Variants in SPIDR observed in about 807,000 individuals in gnomAD.
SPIDR encodes scaffold protein involved in DNA repair.
A neutral mutation model predicts 104.6 loss-of-function variants in SPIDR; 93 were observed. The ratio of observed to expected loss-of-function variants is 0.89; its 90% CI spans 0.75 to 1.06. The LOEUF (loss-of-function observed/expected upper bound fraction) is 1.06, where lower values mean the gene tolerates loss of function less well. Ranked by LOEUF, SPIDR falls within the 50% of genes least tolerant of loss-of-function variation. The probability of loss-of-function intolerance (pLI) is 0.00; values close to 1 mark genes in which losing one functional copy is unlikely to be tolerated. For synonymous variants in SPIDR, 431 were observed against 416.9 expected (o/e 1.03, Z -0.41); for missense variants, 1,154 against 1,111.2 (o/e 1.04, Z -0.55).
chr8:47,352,918 G>A lies in SPIDR; in HGVS notation c.526-43458G>A, dbSNP rs561133518. Among the ~76,000 whole-genome samples, 182 of 151,908 alleles carry A rather than the reference G, an allele frequency of 1.2e-3. 2 individuals carry two copies. Among genetic ancestry groups the A allele is most frequent in the Admixed American group, 2.9e-3 (44 of 15,248 alleles). On this transcript the variant is annotated intron_variant, in intron 5 of 19. Coordinates refer to ENST00000297423, the MANE Select transcript of SPIDR (RefSeq NM_001080394.4). ...AAAATACAAAAATTAGCTGGGCGTG[G>A]TGGCATGCACTTGTAGTCCCAGCTA... is the stretch of plus-strand genomic sequence containing the variant.
chr8:47,319,184 G>C (rs535611374), intron 5 of SPIDR, among the ~76,000 whole-genome samples: 59 of 152,158 alleles, frequency 3.9e-4, no homozygotes, highest in African/African-American at 1.3e-3. Flanking sequence ...ATCAGTGTGC[G>C]GTATTCAGGA....
chr8:47,599,348 A>G (rs1265743378), intron 10 of SPIDR, 152 bp downstream of exon 10: 29 of 971,080 alleles, frequency 3.0e-5, no homozygotes, highest in Non-Finnish European at 4.5e-6. Context: ...AATTTGGGAT[A>G]CATGGCATGA....
intron 8 of SPIDR, chr8:47,511,470 T>C: frequency 1.3e-6 from 1 of 778,036 alleles, no homozygotes; most frequent in Admixed American, 1.7e-5. Context: ...CACTGTGAGC[T>C]AGCCTCCACA....
At chr8:47,659,798 A>G (rs759890046) in intron 10 of SPIDR, 6 of 872,012 alleles carry the variant, frequency 6.9e-6, no homozygotes, top group Non-Finnish European at 8.3e-6. Context: ...TTCGTAAGAG[A>G]TTATAAAGTG....
At chr8:47,288,125 A>C (rs2039215207) in intron 3 of SPIDR, among the ~76,000 whole-genome samples, 1 of 152,040 alleles carries the variant, frequency 6.6e-6, no homozygotes, top group South Asian at 2.1e-4. Context: ...AGTTTCTTGT[A>C]GGTATTTTAT....
chr8:47,706,586 G>A (rs952629372), intron 14 of SPIDR, among the ~76,000 whole-genome samples: 7 of 152,138 alleles, frequency 4.6e-5, no homozygotes, highest in East Asian at 1.9e-4. Flanking sequence ...CATCACCAAC[G>A]ATTCCTGTGT....
intron 8 of SPIDR, among the ~76,000 whole-genome samples, chr8:47,526,946 TCCA>T (rs1428386929): frequency 6.6e-6 from 1 of 152,106 alleles, no homozygotes; most frequent in Non-Finnish European, 1.5e-5. Context: ...AGGGGACGTA[TCCA>T]GCAGAACTCA....
intron 10 of SPIDR, among the ~76,000 whole-genome samples, chr8:47,620,324 G>C (rs941133065): frequency 4.1e-5 from 6 of 147,198 alleles, no homozygotes; most frequent in Admixed American, 3.4e-4. Context: ...ACCGAGGCTG[G>C]AGTGCAGTGG....
intron 8 of SPIDR, among the ~76,000 whole-genome samples, chr8:47,496,456 A>G (rs2079452417): frequency 6.6e-6 from 1 of 152,126 alleles, no homozygotes; most frequent in Admixed American, 6.6e-5. Context: ...TTAGATGATT[A>G]TGTCACTTTT....
At chr8:47,281,720 A>G (rs1379095825) in intron 2 of SPIDR, among the ~76,000 whole-genome samples, 2 of 152,212 alleles carry the variant, frequency 1.3e-5, no homozygotes, top group African/African-American at 4.8e-5. Context: ...TCAGTCATGC[A>G]CAAGGGTTGG....
chr8:47,595,592 T>G (rs1454609290), intron 8 of SPIDR, among the ~76,000 whole-genome samples: 1 of 152,232 alleles, frequency 6.6e-6, no homozygotes, highest in Non-Finnish European at 1.5e-5. Context: ...GACTTAGCCT[T>G]CTTCCATCCC....
At chr8:47,309,875 G>T (rs907289404) in intron 5 of SPIDR, among the ~76,000 whole-genome samples, 10 of 149,750 alleles carry the variant, frequency 6.7e-5, no homozygotes, top group African/African-American at 2.5e-4. Context: ...TGTCTCTAAA[G>T]AATACCAAAA....
chr8:47,695,774 A>T (rs2079244859), intron 11 of SPIDR, among the ~76,000 whole-genome samples: 1 of 152,250 alleles, frequency 6.6e-6, no homozygotes, highest in South Asian at 2.1e-4. Flanking sequence ...GTCATCTACC[A>T]ATCAAGATAA....
rs533282952 is a variant in SPIDR, at chr8:47,536,663, A to T, written c.1098-59148A>T. ...TAAAATGTGAAACTATAAAACTAGA[A>T]TATAAGATAGAAGAGAATCTAGATG... On this transcript the variant is annotated intron_variant, in intron 8 of 19. Coordinates refer to ENST00000297423, the MANE Select transcript of SPIDR (RefSeq NM_001080394.4). Among the ~76,000 whole-genome samples the T allele has an allele frequency of 5.3e-5, 8 of 152,324 alleles. No individual in the cohort carries two copies. The South Asian group carries it at 1.2e-3, about 24-fold the overall frequency.
At chr8:47,317,531 G>C (rs1397653264) in intron 5 of SPIDR, among the ~76,000 whole-genome samples, 7 of 152,224 alleles carry the variant, frequency 4.6e-5, no homozygotes, top group Admixed American at 3.9e-4. Flanking sequence ...TGGAGGCAGG[G>C]AATAACCAAG....
chr8:47,397,798 C>T (rs1160357378), intron 6 of SPIDR, among the ~76,000 whole-genome samples: 3 of 152,112 alleles, frequency 2.0e-5, no homozygotes, highest in Non-Finnish European at 4.4e-5. Flanking sequence ...TACTCTCTTC[C>T]GTATTGCCAG....
At chr8:47,319,583 C>G (rs554162531) in intron 5 of SPIDR, among the ~76,000 whole-genome samples, 14 of 152,302 alleles carry the variant, frequency 9.2e-5, no homozygotes, top group South Asian at 6.2e-4. Context: ...CTCAACTCTG[C>G]ACCAAGCGGA....
chr8:47,291,867 G>A (rs1031870463), intron 4 of SPIDR, among the ~76,000 whole-genome samples: 2 of 152,166 alleles, frequency 1.3e-5, no homozygotes, highest in African/African-American at 4.8e-5. Context: ...TTTATATTGT[G>A]TCATGTTTTA....
chr8:47,559,303 C>A (rs539988017), intron 8 of SPIDR, among the ~76,000 whole-genome samples: 8 of 152,266 alleles, frequency 5.3e-5, no homozygotes, highest in South Asian at 2.1e-4. Flanking sequence ...TACATTTAAC[C>A]ATCCATAAGT....
Sources: gnomAD v4.1 joint callset for allele counts (sites outside exome capture counted in the v4.1 genomes callset) on GRCh38, gnomAD v4.1.1 for gene constraint, MANE v1.5 for transcripts, NCBI Gene and HGNC (gene_info 2026-07-23, HGNC 2026-07-21) for gene names.